The following EPC1 variants were observed in gnomAD, a reference collection of about 807,000 sequenced individuals.
EPC1 encodes the protein enhancer of polycomb 1, also known as enhancer of polycomb homolog 1.
Under a neutral mutation model 98.4 loss-of-function variants are expected in EPC1, and 12 were observed. The observed-to-expected ratio is 0.12, with a 90% confidence interval of 0.08 to 0.20. The LOEUF is 0.20. Ranked by LOEUF, EPC1 falls within the 10% of genes least tolerant of loss-of-function variation. EPC1 has a pLI of 1.00. For missense variants in EPC1, 729 were observed against 990.5 expected, an observed-to-expected ratio of 0.74 and a Z score of 3.54; for synonymous variants, 357 against 363.9, an observed-to-expected ratio of 0.98 and a Z score of 0.21.
intron 1 of EPC1, among the ~76,000 whole-genome samples, chr10:32,343,643 C>T (rs1485048167): frequency 6.9e-6 from 1 of 145,524 alleles, no homozygotes; most frequent in African/African-American, 2.5e-5. Context: ...AGTACTACTA[C>T]AATTAAAAAA....
chr10:32,364,173 C>G (rs1484337098), intron 1 of EPC1, among the ~76,000 whole-genome samples: 1 of 151,160 alleles, frequency 6.6e-6, no homozygotes, highest in Non-Finnish European at 1.5e-5. Flanking sequence ...CACCACCACA[C>G]CGGCTAATTT....
chr10:32,371,659 G>A (rs533569456), intron 1 of EPC1, among the ~76,000 whole-genome samples: 2 of 152,234 alleles, frequency 1.3e-5, no homozygotes, highest in South Asian at 4.2e-4. Context: ...AGCACTTTGG[G>A]AGGCCGAGGC....
chr10:32,321,776 G>A (rs1026734127), intron 1 of EPC1, among the ~76,000 whole-genome samples: 1 of 151,944 alleles, frequency 6.6e-6, no homozygotes, highest in Admixed American at 6.6e-5. Context: ...AGAACCCTAT[G>A]ATCTTTCTAC....
chr10:32,339,208 C>A (rs536461837), intron 1 of EPC1, among the ~76,000 whole-genome samples: 92 of 152,172 alleles, frequency 6.0e-4, no homozygotes, highest in South Asian at 1.7e-3. Flanking sequence ...ACATAAAATT[C>A]TTTTGGAAAC....
chr10:32,281,456 G>T (rs1836406509), intron 10 of EPC1, among the ~76,000 whole-genome samples: 1 of 152,132 alleles, frequency 6.6e-6, no homozygotes, highest in Admixed American at 6.5e-5. Flanking sequence ...GTATGTGGGG[G>T]CCATGCTGTA....
chr10:32,322,650 C>A (rs1836998622), intron 1 of EPC1, among the ~76,000 whole-genome samples: 2 of 152,052 alleles, frequency 1.3e-5, no homozygotes, highest in Admixed American at 6.5e-5. Context: ...AAATATAAAC[C>A]TTTAGGATTT....
chr10:32,306,290 T>C lies in EPC1; in HGVS notation c.154-359A>G, dbSNP rs1333442458. On this transcript the variant is annotated intron_variant, in intron 1 of 13. Coordinates refer to ENST00000319778, the MANE Select transcript of EPC1 (RefSeq NM_001272004.3). ...TTATATAAAGAAAGTGGGCTATGGT[T>C]AAAAATATTTTATTGATTCAAATCT... 2.0e-5 allele frequency among the ~76,000 whole-genome samples: 3 copies of C among 152,208 alleles called. No homozygotes were observed. In the East Asian group the frequency reaches 5.8e-4, roughly 29 times the overall value.
chr10:32,376,269 T>G (rs1839869909), intron 1 of EPC1, among the ~76,000 whole-genome samples: 1 of 152,064 alleles, frequency 6.6e-6, no homozygotes, highest in South Asian at 2.1e-4. Context: ...AGTTTGTTTT[T>G]AAAAGGGGGC....
At chr10:32,377,623 C>T (rs1839895851) in intron 1 of EPC1, among the ~76,000 whole-genome samples, 1 of 152,074 alleles carries the variant, frequency 6.6e-6, no homozygotes, top group South Asian at 2.1e-4. Flanking sequence ...CTGAATACTT[C>T]CACTGACTAA....
chr10:32,301,525 T>C (rs563219683), intron 2 of EPC1, among the ~76,000 whole-genome samples: 2 of 152,314 alleles, frequency 1.3e-5, no homozygotes, highest in Admixed American at 1.3e-4. Flanking sequence ...TCCCTGATGT[T>C]AAAAATTACT....
At chr10:32,302,150 G>GTGGTC (rs1835588209) in intron 2 of EPC1, among the ~76,000 whole-genome samples, 1 of 151,916 alleles carries the variant, frequency 6.6e-6, no homozygotes, top group Non-Finnish European at 1.5e-5. Context: ...GCATGCGCCT[G>GTGGTC]TGGTCCCAGC....
At chr10:32,352,097 T>C (rs183705769), upstream of EPC1, among the ~76,000 whole-genome samples, 524 of 143,766 alleles carry the variant, frequency 3.6e-3, 2 homozygotes, top group African/African-American at 0.013. Context: ...CAGGCTGGAG[T>C]GCAGTGGCGC....
chr10:32,360,116 C>G (rs932895921), intron 1 of EPC1, among the ~76,000 whole-genome samples: 1 of 151,726 alleles, frequency 6.6e-6, no homozygotes, highest in African/African-American at 2.4e-5. Context: ...TTGTATCATT[C>G]ATATGTTTGT....
chr10:32,368,563 G>T (rs1312904697), intron 1 of EPC1, among the ~76,000 whole-genome samples: 5 of 152,104 alleles, frequency 3.3e-5, no homozygotes, highest in Non-Finnish European at 7.4e-5. Flanking sequence ...TTTTGGTTTG[G>T]TTTTTTAATG....
chr10:32,307,541 T>A (rs894844250), intron 1 of EPC1, among the ~76,000 whole-genome samples: 8 of 152,250 alleles, frequency 5.3e-5, no homozygotes, highest in Non-Finnish European at 1.5e-5. Context: ...TTTTTCTTAT[T>A]CATACTCAAT....
At chr10:32,333,650 C>T (rs934664384) in intron 1 of EPC1, among the ~76,000 whole-genome samples, 1 of 152,146 alleles carries the variant, frequency 6.6e-6, no homozygotes, top group African/African-American at 2.4e-5. Context: ...ACTATAAAAT[C>T]TTCTGTTAAG....
chr10:32,285,055 T>C lies in EPC1; in HGVS notation c.1392-5A>G. 1 of 1,593,028 alleles carries C rather than the reference T, an allele frequency of 6.3e-7. No individual in the cohort carries two copies. Among genetic ancestry groups the C allele is most frequent in the Non-Finnish European group, 8.6e-7 (1 of 1,167,894 alleles). ...TGAGCTCTGTCCAGTAAGACCCTAT[T>C]AAAAAATCAGACAAGAAACAGTTAT... On this transcript the variant is annotated splice_polypyrimidine_tract_variant and splice_region_variant and intron_variant, in intron 9 of 13. Coordinates refer to ENST00000319778, the MANE Select transcript of EPC1 (RefSeq NM_001272004.3).
At chr10:32,303,129 C>T (rs1835671028) in intron 2 of EPC1, among the ~76,000 whole-genome samples, 5 of 152,108 alleles carry the variant, frequency 3.3e-5, no homozygotes, top group Admixed American at 2.0e-4. Context: ...TATGGTGAAA[C>T]CCTATTTCTA....
At chr10:32,293,851 T>C in intron 2 of EPC1, 114 bp from the exon 3 acceptor site, 1 of 1,056,688 alleles carries the variant, frequency 9.5e-7, no homozygotes, top group Non-Finnish European at 1.3e-6. Context: ...GAAAGAATTC[T>C]TGGATTTTGT....
Sources: gnomAD v4.1 joint callset for allele counts (sites outside exome capture counted in the v4.1 genomes callset) on GRCh38, gnomAD v4.1.1 for gene constraint, MANE v1.5 for transcripts, NCBI Gene and HGNC (gene_info 2026-07-23, HGNC 2026-07-21) for gene names.